RGS7: variants seen among roughly 807,000 people sequenced by gnomAD.
RGS7 encodes regulator of G protein signaling 7.
In RGS7, 27 loss-of-function variants were observed where a neutral mutation model predicts 81.1. The observed-to-expected ratio is 0.33, with a 90% CI of 0.25 to 0.46. RGS7 has a LOEUF of 0.46. RGS7 is among the 20% of genes least tolerant of loss of function. The probability of loss-of-function intolerance (pLI) is 1.00; values close to 1 mark genes in which losing one functional copy is unlikely to be tolerated. For missense variants in RGS7, 396 were observed against 607.4 expected (o/e 0.65, Z 3.66); for synonymous variants, 208 against 207.7 (o/e 1.00, Z -0.01).
intron 2 of RGS7, among the ~76,000 whole-genome samples, chr1:241,272,185 G>C (rs1300666750): frequency 6.6e-6 from 1 of 151,866 alleles, no homozygotes; most frequent in Non-Finnish European, 1.5e-5. Flanking sequence ...AGTAGAGATG[G>C]GGTTTCACCG....
rs191970628 is a variant in RGS7 at position 241,116,727 on chromosome 1, T to C, written c.79-17965A>G. Among the ~76,000 whole-genome samples, 234 of 152,340 alleles carry C rather than the reference T, an allele frequency of 1.5e-3. 2 individuals are homozygous for C. The highest frequency in any genetic ancestry group is 5.5e-3 in the African/African-American group (228 of 41,580). On this transcript the variant is annotated intron_variant, in intron 2 of 18. Coordinates refer to ENST00000440928, the MANE Select transcript of RGS7 (RefSeq NM_001364886.1). ...GTGATGTTTCAATACATGTAATGTA[T>C]AGTGATCAGGGTAATTAGCATATCC... is the stretch of plus-strand genomic sequence containing the variant.
intron 2 of RGS7, among the ~76,000 whole-genome samples, chr1:241,273,921 G>A (rs1263560803): frequency 6.6e-6 from 1 of 152,128 alleles, no homozygotes; most frequent in East Asian, 1.9e-4. Context: ...TTTGTGTCTG[G>A]AGCTCCTTGA....
chr1:241,099,351 G>A (rs74461728), intron 2 of RGS7, among the ~76,000 whole-genome samples: 4,987 of 152,058 alleles, frequency 0.033, 106 homozygotes, highest in African/African-American at 0.054. Flanking sequence ...ACTCATGCAT[G>A]TGCACATACA....
intron 2 of RGS7, among the ~76,000 whole-genome samples, chr1:241,202,795 G>GT (rs112272977): frequency 0.23 from 34,852 of 151,602 alleles, 6,027 homozygotes; most frequent in African/African-American, 0.49. Flanking sequence ...GTATTTTTAG[G>GT]TTTTATGGCT....
At chr1:240,793,603 A>ATTTTTTTTTT (rs1558259321) in intron 18 of RGS7, among the ~76,000 whole-genome samples, 2 of 97,280 alleles carry the variant, frequency 2.1e-5, no homozygotes, top group African/African-American at 1.3e-4. Flanking sequence ...ATATATATAT[A>ATTTTTTTTTT]TATATATATT....
chr1:240,926,350 T>G (rs1052012993), intron 6 of RGS7, among the ~76,000 whole-genome samples: 2 of 152,234 alleles, frequency 1.3e-5, no homozygotes, highest in Non-Finnish European at 2.9e-5. Flanking sequence ...GCTTCATTCT[T>G]CTGCATGTGG....
At chr1:240,870,655 A>G (rs1238875041) in intron 6 of RGS7, among the ~76,000 whole-genome samples, 1 of 152,200 alleles carries the variant, frequency 6.6e-6, no homozygotes, top group Non-Finnish European at 1.5e-5. Flanking sequence ...AAAAATTTTT[A>G]TTAAATGGTC....
chr1:241,333,350 C>A (rs1433289931), intron 2 of RGS7, among the ~76,000 whole-genome samples: 1 of 152,094 alleles, frequency 6.6e-6, no homozygotes, highest in Non-Finnish European at 1.5e-5. Context: ...TAGATATGTC[C>A]CATTTGGGTC....
chr1:241,245,746 G>A (rs1028744923), intron 2 of RGS7, among the ~76,000 whole-genome samples: 4 of 151,954 alleles, frequency 2.6e-5, no homozygotes, highest in Non-Finnish European at 5.9e-5. Context: ...GGCAGAGGTT[G>A]CGGTAAGCTG....
At chr1:240,804,444 AT>A (rs991129440) in intron 15 of RGS7, among the ~76,000 whole-genome samples, 2 of 148,580 alleles carry the variant, frequency 1.3e-5, no homozygotes, top group East Asian at 2.0e-4. Context: ...TTACGATCAG[AT>A]TTTTTTTAAA....
intron 2 of RGS7, among the ~76,000 whole-genome samples, chr1:241,339,830 G>A (rs1242560919): frequency 2.6e-5 from 4 of 152,092 alleles, no homozygotes; most frequent in Non-Finnish European, 1.5e-5. Context: ...CAGTGTAGGA[G>A]CCTGGGAGCT....
chr1:240,939,905 A>T (rs776133373), intron 4 of RGS7, among the ~76,000 whole-genome samples: 17 of 151,978 alleles, frequency 1.1e-4, no homozygotes, highest in Non-Finnish European at 2.1e-4. Context: ...CCCCGTCTCT[A>T]CTAAAAAAAA....
At chr1:241,162,849 G>C (rs1572945375) in intron 2 of RGS7, among the ~76,000 whole-genome samples, 1 of 152,206 alleles carries the variant, frequency 6.6e-6, no homozygotes, top group Admixed American at 6.5e-5. Flanking sequence ...ATAAATACAA[G>C]AGGAGAATTT....
chr1:241,076,735 T>A (rs1242873213), intron 3 of RGS7, among the ~76,000 whole-genome samples: 2 of 152,208 alleles, frequency 1.3e-5, no homozygotes. Context: ...GGCCAATTGA[T>A]TTCTGTTTAC....
intron 3 of RGS7, among the ~76,000 whole-genome samples, chr1:241,090,053 C>A (rs1282489868): frequency 6.7e-6 from 1 of 149,756 alleles, no homozygotes; most frequent in Non-Finnish European, 1.5e-5. Flanking sequence ...CCATAGGGAT[C>A]TTGTTTGGAA....
At position 240,998,709 on chromosome 1, in the gene RGS7, T is replaced by C. The variant is rs115723782; in HGVS notation, c.176-15580A>G. ...TACACCGGCTGCTTTAATGAGGGCA[T>C]TGATCTTATTCTCCGTGACGGTCAC... On this transcript the variant is annotated intron_variant, in intron 3 of 18. Coordinates refer to ENST00000440928, the MANE Select transcript of RGS7 (RefSeq NM_001364886.1). 6.7e-4 allele frequency: 749 copies of C among 1,110,276 alleles called. 5 individuals are homozygous for C. The African/African-American group carries it at 0.011, about 16-fold the overall frequency. 68.8% of individuals were successfully genotyped at this position (1,110,276 alleles called of 1,614,324 possible).
chr1:240,886,684 T>C (rs452157), intron 6 of RGS7, among the ~76,000 whole-genome samples: 71,711 of 151,934 alleles, frequency 0.47, 17,108 homozygotes, highest in East Asian at 0.53. Flanking sequence ...AATACGAGAC[T>C]GAGAGTCCCA....
At chr1:241,281,488 G>A (rs986177089) in intron 2 of RGS7, among the ~76,000 whole-genome samples, 4 of 152,150 alleles carry the variant, frequency 2.6e-5, no homozygotes, top group East Asian at 1.9e-4. Flanking sequence ...AACCGTAAAC[G>A]CTGAATAACA....
chr1:241,088,904 G>C (rs9428495), intron 3 of RGS7, among the ~76,000 whole-genome samples: 3,746 of 150,634 alleles, frequency 0.025, 160 homozygotes, highest in African/African-American at 0.087. Flanking sequence ...CCAGCTACTC[G>C]GGAGGCTGAG....
Sources: gnomAD v4.1 joint callset for allele counts (sites outside exome capture counted in the v4.1 genomes callset) on GRCh38, gnomAD v4.1.1 for gene constraint, MANE v1.5 for transcripts, NCBI Gene and HGNC (gene_info 2026-07-23, HGNC 2026-07-21) for gene names.